Variants in MACROD2 observed in about 807,000 individuals in gnomAD.
MACROD2 encodes the protein ADP-ribose glycohydrolase MACROD2.
In MACROD2, 36 loss-of-function variants were observed where a neutral mutation model predicts 70.4. The observed-to-expected ratio is 0.51, with a 90% CI of 0.39 to 0.68. The LOEUF is 0.68. MACROD2 is among the 30% of genes least tolerant of loss of function. The pLI, the probability that MACROD2 is intolerant of heterozygous loss-of-function variation, is 0.00. For missense variants in MACROD2, 496 were observed against 538.4 expected, an observed-to-expected ratio of 0.92 and a Z score of 0.78; for synonymous variants, 172 against 178.8, an observed-to-expected ratio of 0.96 and a Z score of 0.30.
chr20:15,760,404 A>ACCT (rs1212601400), intron 8 of MACROD2, among the ~76,000 whole-genome samples: 1 of 152,216 alleles, frequency 6.6e-6, no homozygotes, highest in Non-Finnish European at 1.5e-5. Context: ...GCTTCGGCAG[A>ACCT]CAGCTGAGAA....
intron 10 of MACROD2, 64 bp from the exon 11 acceptor site, chr20:15,933,212 C>A: frequency 6.7e-7 from 1 of 1,485,392 alleles, no homozygotes; most frequent in Non-Finnish European, 9.4e-7. Context: ...TGCATATTAG[C>A]CGTAAAGAGA....
chr20:15,819,463 A>T (rs959488328), intron 8 of MACROD2, among the ~76,000 whole-genome samples: 97 of 145,448 alleles, frequency 6.7e-4, no homozygotes, highest in African/African-American at 2.3e-3. Context: ...ATAAATATAT[A>T]AGTATATAAA....
intron 5 of MACROD2, among the ~76,000 whole-genome samples, chr20:15,036,372 T>A (rs1372964261): frequency 6.6e-6 from 1 of 152,118 alleles, no homozygotes; most frequent in Non-Finnish European, 1.5e-5. Flanking sequence ...CAAAGTGTAG[T>A]TCCCAGATCA....
chr20:15,445,782 A>T (rs192971252), intron 7 of MACROD2, among the ~76,000 whole-genome samples: 1 of 152,264 alleles, frequency 6.6e-6, no homozygotes, highest in East Asian at 1.9e-4. Flanking sequence ...CCTGGCTGGG[A>T]AAAATGAGAC....
rs185283191 is a variant in MACROD2, at chr20:15,644,369, C to T, written c.645+144522C>T. Among the ~76,000 whole-genome samples the T allele has an allele frequency of 4.6e-5, 7 of 152,272 alleles. No homozygotes were observed. The East Asian group carries it at 1.4e-3, about 29-fold the overall frequency. ...GTGGAGCCAAGGTTGAAGCTTCTTT[C>T]TTCATAGTCCCCAAATCCAGGGAGA... On this transcript the variant is annotated intron_variant, in intron 8 of 17. Transcript: ENST00000684519.
intron 5 of MACROD2, among the ~76,000 whole-genome samples, chr20:14,825,796 T>C (rs2072895140): frequency 6.6e-6 from 1 of 152,122 alleles, no homozygotes; most frequent in Non-Finnish European, 1.5e-5. Flanking sequence ...AGTGACCTGG[T>C]ATTTGGGCTT....
At chr20:14,869,552 G>T (rs2073464915) in intron 5 of MACROD2, among the ~76,000 whole-genome samples, 1 of 152,076 alleles carries the variant, frequency 6.6e-6, no homozygotes, top group Non-Finnish European at 1.5e-5. Flanking sequence ...AGGAGCAATG[G>T]GTTGCTGTCA....
intron 7 of MACROD2, among the ~76,000 whole-genome samples, chr20:15,446,301 A>C (rs1255537362): frequency 6.6e-6 from 1 of 152,126 alleles, no homozygotes; most frequent in African/African-American, 2.4e-5. Context: ...CTTCCTCTTT[A>C]TCATGAAAGA....
At chr20:15,384,936 G>A (rs2045692962) in intron 6 of MACROD2, among the ~76,000 whole-genome samples, 2 of 152,084 alleles carry the variant, frequency 1.3e-5, no homozygotes, top group South Asian at 4.1e-4. Flanking sequence ...ATCTGGCTCT[G>A]CTTCTTGACA....
chr20:14,969,161 T>TTATA (rs150798380), intron 5 of MACROD2, among the ~76,000 whole-genome samples: 40 of 147,740 alleles, frequency 2.7e-4, no homozygotes, highest in African/African-American at 7.0e-4. Flanking sequence ...TATCTCCAGT[T>TTATA]TATATATATA....
At chr20:15,035,896 G>C (rs1424288373) in intron 5 of MACROD2, among the ~76,000 whole-genome samples, 3 of 151,320 alleles carry the variant, frequency 2.0e-5, no homozygotes, top group Non-Finnish European at 4.4e-5. Flanking sequence ...TTTTTTCCTA[G>C]TGTCATTTCT....
At chr20:14,067,323 A>T (rs977603622) in intron 2 of MACROD2, among the ~76,000 whole-genome samples, 9 of 147,470 alleles carry the variant, frequency 6.1e-5, no homozygotes, top group African/African-American at 2.0e-4. Context: ...GGGGTTTCAC[A>T]TGTTGGCCAG....
At chr20:14,439,890 G>A (rs983530245) in intron 3 of MACROD2, among the ~76,000 whole-genome samples, 3 of 152,074 alleles carry the variant, frequency 2.0e-5, no homozygotes, top group Non-Finnish European at 4.4e-5. Flanking sequence ...AGGAAGTCAT[G>A]GGATTTTTAC....
intron 2 of MACROD2, among the ~76,000 whole-genome samples, chr20:14,045,241 G>A (rs968862262): frequency 1.3e-5 from 2 of 152,256 alleles, no homozygotes; most frequent in Admixed American, 6.5e-5. Context: ...ACAGTGCAGC[G>A]GTGGGCTGAA....
intron 4 of MACROD2, among the ~76,000 whole-genome samples, chr20:14,495,801 T>A (rs2084847167): frequency 6.6e-6 from 1 of 152,190 alleles, no homozygotes; most frequent in South Asian, 2.1e-4. Flanking sequence ...TTTTAGTGAC[T>A]TCCTCTAGAT....
chr20:14,384,487 G>A lies in MACROD2; in HGVS notation c.272-108992G>A, dbSNP rs533878430. The stretch of plus-strand genomic sequence containing the variant: ...TTCCATCTTAAGAAGGGTTTTTGAT[G>A]TCCTCTGGTGTAGATATTTACTGGA... On this transcript the variant is annotated intron_variant, in intron 3 of 17. Coordinates refer to ENST00000684519, the MANE Select transcript of MACROD2 (RefSeq NM_001351661.2). Among the ~76,000 whole-genome samples the A allele has an allele frequency of 3.3e-5, 5 of 152,210 alleles. No individual in the cohort carries two copies. The East Asian group carries it at 9.6e-4, about 29-fold the overall frequency.
At chr20:15,058,564 A>T (rs1253551628) in intron 5 of MACROD2, among the ~76,000 whole-genome samples, 1 of 152,206 alleles carries the variant, frequency 6.6e-6, no homozygotes, top group Non-Finnish European at 1.5e-5. Flanking sequence ...CTATTTGCTA[A>T]ATCTGGCAAC....
chr20:14,397,946 C>G (rs2083597779), intron 3 of MACROD2, among the ~76,000 whole-genome samples: 1 of 145,982 alleles, frequency 6.9e-6, no homozygotes, highest in Non-Finnish European at 1.6e-5. Context: ...CTTCTGTGAG[C>G]TTTTTTGTTG....
intron 3 of MACROD2, among the ~76,000 whole-genome samples, chr20:14,474,402 A>C (rs768659670): frequency 2.0e-5 from 3 of 152,168 alleles, no homozygotes; most frequent in East Asian, 1.9e-4. Flanking sequence ...CATGTGGTCT[A>C]TCCTGGAAAA....
Sources: gnomAD v4.1 joint callset for allele counts (sites outside exome capture counted in the v4.1 genomes callset) on GRCh38, gnomAD v4.1.1 for gene constraint, MANE v1.5 for transcripts, NCBI Gene and HGNC (gene_info 2026-07-23, HGNC 2026-07-21) for gene names.